Variants in ITPR2 observed in about 807,000 individuals in gnomAD.
ITPR2 encodes the protein inositol 1,4,5-trisphosphate-gated calcium channel ITPR2.
A neutral mutation model predicts 317.1 loss-of-function variants in ITPR2; 207 were observed. That is an observed-to-expected ratio of 0.65 (90% CI 0.58 to 0.73). The LOEUF (loss-of-function observed/expected upper bound fraction) is 0.73. Ranked by LOEUF, ITPR2 falls within the 30% of genes least tolerant of loss-of-function variation. The pLI, the probability that ITPR2 is intolerant of heterozygous loss-of-function variation, is 0.00. For missense variants in ITPR2, 2,613 were observed against 3,284.0 expected, an observed-to-expected ratio of 0.80 and a Z score of 4.99; for synonymous variants, 1,156 against 1,149.1, an observed-to-expected ratio of 1.01 and a Z score of -0.12.
chr12:26,593,651 G>A (rs1413466417), intron 32 of ITPR2, among the ~76,000 whole-genome samples: 1 of 151,960 alleles, frequency 6.6e-6, no homozygotes, highest in Admixed American at 6.6e-5. Flanking sequence ...AGATCAAGAA[G>A]ATATTGAAAT....
intron 1 of ITPR2, among the ~76,000 whole-genome samples, chr12:26,825,892 C>T (rs915186274): frequency 6.6e-6 from 1 of 152,318 alleles, no homozygotes; most frequent in East Asian, 1.9e-4. Context: ...CCACAGTGAA[C>T]ACACATGCAA....
At chr12:26,742,025 A>G (rs1479441817) in intron 2 of ITPR2, among the ~76,000 whole-genome samples, 1 of 152,240 alleles carries the variant, frequency 6.6e-6, no homozygotes, top group Non-Finnish European at 1.5e-5. Flanking sequence ...GACCAGGTCT[A>G]CAGGAAGCAC....
chr12:26,616,887 A>G (rs1591965727), intron 26 of ITPR2, among the ~76,000 whole-genome samples: 1 of 152,154 alleles, frequency 6.6e-6, no homozygotes, highest in African/African-American at 2.4e-5. Context: ...ATGATGATCC[A>G]ATTCCATTTA....
chr12:26,543,133 A>AAAACC (rs1201852469), intron 37 of ITPR2, among the ~76,000 whole-genome samples: 5 of 152,174 alleles, frequency 3.3e-5, no homozygotes, highest in Non-Finnish European at 5.9e-5. Flanking sequence ...CAAAATCCTT[A>AAAACC]AAACCAAACC....
intron 2 of ITPR2, among the ~76,000 whole-genome samples, chr12:26,737,887 C>T (rs750184427): frequency 3.3e-5 from 5 of 152,264 alleles, no homozygotes; most frequent in Non-Finnish European, 5.9e-5. Context: ...GCATGATGCT[C>T]GCTGTGGTAT....
chr12:26,661,275 T>TGGG (rs34833740), intron 15 of ITPR2, among the ~76,000 whole-genome samples: 2 of 8,968 alleles, frequency 2.2e-4, no homozygotes, highest in African/African-American at 8.6e-4. Flanking sequence ...GGTGTGTGTG[T>TGGG]GGGGGGGGGG....
intron 41 of ITPR2, 47 bp from the exon 42 acceptor site, chr12:26,483,945 T>C (rs2136841016): frequency 6.7e-7 from 1 of 1,496,338 alleles, no homozygotes; most frequent in South Asian, 1.1e-5. Flanking sequence ...AAATTCACTG[T>C]GCTGATTGTT....
chr12:26,486,452 C>T, intron 40 of ITPR2, 92 bp from the exon 41 acceptor site: 2 of 1,011,304 alleles, frequency 2.0e-6, no homozygotes, highest in South Asian at 3.5e-5. Flanking sequence ...AATTCTCTAA[C>T]AATTGAATTA....
chr12:26,423,187 G>A (rs918617057), intron 49 of ITPR2, among the ~76,000 whole-genome samples: 2 of 152,114 alleles, frequency 1.3e-5, no homozygotes, highest in African/African-American at 4.8e-5. Flanking sequence ...ATGAAAAAGG[G>A]TAGGTCTGTG....
intron 55 of ITPR2, among the ~76,000 whole-genome samples, chr12:26,377,172 T>C (rs944405427): frequency 3.3e-5 from 5 of 152,208 alleles, no homozygotes; most frequent in African/African-American, 1.2e-4. Context: ...CATCTTCATT[T>C]ACCCGATCAG....
At chr12:26,444,474 T>A (rs1306598404) in intron 45 of ITPR2, among the ~76,000 whole-genome samples, 3 of 152,158 alleles carry the variant, frequency 2.0e-5, no homozygotes, top group Non-Finnish European at 4.4e-5. Flanking sequence ...CCCAGCACAA[T>A]GCCTGCCTCC....
At chr12:26,479,246 T>C (rs1202742273) in intron 43 of ITPR2, among the ~76,000 whole-genome samples, 1 of 151,490 alleles carries the variant, frequency 6.6e-6, no homozygotes, top group East Asian at 1.9e-4. Context: ...CAATTGTACA[T>C]ACTAAAATCA....
In ITPR2 at chr12:26,786,452, A is replaced by T. The variant is rs1283510302; in HGVS notation, c.163+3705T>A. Among the ~76,000 whole-genome samples the T allele has an allele frequency of 5.2e-3, 306 of 59,378 alleles. 2 individuals are homozygous for T. The highest frequency in any genetic ancestry group is 0.033 in the South Asian group (95 of 2,858). 39.0% of individuals were successfully genotyped at this position (59,378 alleles called of 152,430 possible). On this transcript the variant is annotated intron_variant, in intron 2 of 56. Transcript: ENST00000381340. ...AGAAACACCCAAGAATGATCAATAAAAAAAAAAAAAAAAAAAAATGGAGAA... is the reference window on the plus strand; with the variant it reads ...AGAAACACCCAAGAATGATCAATAATAAAAAAAAAAAAAAAAAATGGAGAA...
chr12:26,658,633 A>G (rs1476700322), intron 16 of ITPR2, among the ~76,000 whole-genome samples: 2 of 152,208 alleles, frequency 1.3e-5, no homozygotes, highest in African/African-American at 4.8e-5. Context: ...GTCTGCACTC[A>G]TTTCTTCAAG....
intron 32 of ITPR2, among the ~76,000 whole-genome samples, chr12:26,587,072 G>A (rs924958655): frequency 1.2e-4 from 18 of 151,028 alleles, no homozygotes; most frequent in Non-Finnish European, 2.2e-4. Flanking sequence ...CATTCCATTG[G>A]TTTGCCTACT....
At chr12:26,738,486 T>G (rs1949169277) in intron 2 of ITPR2, among the ~76,000 whole-genome samples, 1 of 152,140 alleles carries the variant, frequency 6.6e-6, no homozygotes, top group Admixed American at 6.5e-5. Flanking sequence ...TCTTGGCATT[T>G]TTTTGTCTCC....
At chr12:26,641,274 A>T (rs1241233138) in intron 21 of ITPR2, among the ~76,000 whole-genome samples, 1 of 152,168 alleles carries the variant, frequency 6.6e-6, no homozygotes, top group Non-Finnish European at 1.5e-5. Flanking sequence ...ATGACCTGAA[A>T]AATAACTTCC....
intron 55 of ITPR2, among the ~76,000 whole-genome samples, chr12:26,356,558 G>A (rs1938647140): frequency 6.6e-6 from 1 of 152,226 alleles, no homozygotes; most frequent in African/African-American, 2.4e-5. Context: ...TTACAGCCAT[G>A]AGCCATAGAT....
intron 26 of ITPR2, among the ~76,000 whole-genome samples, chr12:26,616,728 C>G (rs1156822836): frequency 6.6e-6 from 1 of 151,978 alleles, no homozygotes; most frequent in Non-Finnish European, 1.5e-5. Flanking sequence ...TTCAGGTGAC[C>G]TTGAACAACA....
Sources: gnomAD v4.1 joint callset for allele counts (sites outside exome capture counted in the v4.1 genomes callset) on GRCh38, gnomAD v4.1.1 for gene constraint, MANE v1.5 for transcripts, NCBI Gene and HGNC (gene_info 2026-07-23, HGNC 2026-07-21) for gene names.